FRMD4A: variants seen among roughly 807,000 people sequenced by gnomAD.
The protein encoded by FRMD4A is FERM domain-containing protein 4A.
Under a neutral mutation model 129.1 loss-of-function variants are expected in FRMD4A, and 29 were observed. The ratio of observed to expected loss-of-function variants is 0.22; its 90% CI spans 0.17 to 0.31. The LOEUF is 0.31. Ranked by LOEUF, FRMD4A falls within the 10% of genes least tolerant of loss-of-function variation. The probability of loss-of-function intolerance (pLI) is 1.00; values close to 1 mark genes in which losing one functional copy is unlikely to be tolerated. For synonymous variants in FRMD4A, 634 were observed against 571.6 expected, an observed-to-expected ratio of 1.11 and a Z score of -1.56; for missense variants, 1,272 against 1,375.8, an observed-to-expected ratio of 0.92 and a Z score of 1.19.
At chr10:14,211,063 G>T (rs529047576) in intron 2 of FRMD4A, among the ~76,000 whole-genome samples, 1 of 152,230 alleles carries the variant, frequency 6.6e-6, no homozygotes, top group East Asian at 1.9e-4. Flanking sequence ...TCTTATGGGG[G>T]AAAGAAAATG....
intron 2 of FRMD4A, among the ~76,000 whole-genome samples, chr10:14,060,517 G>A (rs150849547): frequency 1.4e-3 from 215 of 152,254 alleles, no homozygotes; most frequent in Non-Finnish European, 2.5e-3. Context: ...CTCTTGCTTC[G>A]AAGCCTGCCC....
intron 2 of FRMD4A, among the ~76,000 whole-genome samples, chr10:14,071,248 T>G (rs1835304956): frequency 6.6e-6 from 1 of 152,210 alleles, no homozygotes; most frequent in African/African-American, 2.4e-5. Flanking sequence ...ACATGCCACA[T>G]TCAGAAACGA....
At chr10:14,166,902 C>T (rs1323009278) in intron 2 of FRMD4A, among the ~76,000 whole-genome samples, 2 of 152,160 alleles carry the variant, frequency 1.3e-5, no homozygotes, top group South Asian at 2.1e-4. Flanking sequence ...TTCATTTACT[C>T]AGTCAATAAA....
At position 13,675,025 on chromosome 10, in the gene FRMD4A, G is replaced by A. The variant is rs772554413; in HGVS notation, c.1137C>T (p.Ser379=). 6 of 1,613,310 alleles carry A rather than the reference G, an allele frequency of 3.7e-6. No homozygotes were observed. Among genetic ancestry groups the A allele is most frequent in the East Asian group, 2.2e-5 (1 of 44,900 alleles). Residue 379 remains serine (S), a synonymous_variant, in exon 16 of 25, where the codon AGC becomes AGT. Transcript: ENST00000357447. ...GCATGTCCTTCTTGGCCGACTGCGAGCTATCTGATTCCTGAGAACCTGTCG... is the reference window on the plus strand; with the variant it reads ...GCATGTCCTTCTTGGCCGACTGCGAACTATCTGATTCCTGAGAACCTGTCG... ...LLSSGSQESD[S]SQSAKKDMLA...
chr10:14,064,254 T>A (rs7904168), intron 2 of FRMD4A, among the ~76,000 whole-genome samples: 1 of 152,212 alleles, frequency 6.6e-6, no homozygotes, highest in Non-Finnish European at 1.5e-5. Flanking sequence ...ATATTGATGT[T>A]TTCCGTAACT....
intron 4 of FRMD4A, among the ~76,000 whole-genome samples, chr10:13,797,143 TTG>T (rs1345427124): frequency 2.0e-5 from 3 of 152,196 alleles, no homozygotes; most frequent in African/African-American, 7.2e-5. Flanking sequence ...AGTGAAGGGA[TTG>T]AGACCTGCTG....
chr10:14,166,653 A>G (rs10796166), intron 2 of FRMD4A, among the ~76,000 whole-genome samples: 143,295 of 152,242 alleles, frequency 0.94, 67,931 homozygotes, highest in Non-Finnish European at 1. Flanking sequence ...GCAGCTATTC[A>G]AACAGTCAGT....
chr10:13,870,017 T>C (rs146952043), intron 2 of FRMD4A, among the ~76,000 whole-genome samples: 242 of 152,306 alleles, frequency 1.6e-3, no homozygotes, highest in African/African-American at 5.6e-3. Context: ...TTATTAATCA[T>C]TATTATTAGG....
At chr10:14,051,081 A>T (rs1022383237) in intron 2 of FRMD4A, among the ~76,000 whole-genome samples, 2 of 152,194 alleles carry the variant, frequency 1.3e-5, no homozygotes, top group African/African-American at 4.8e-5. Context: ...AGGTGTCAGG[A>T]TTGCAAAGGC....
chr10:14,234,440 A>C (rs1007894356), intron 2 of FRMD4A, among the ~76,000 whole-genome samples: 1 of 152,112 alleles, frequency 6.6e-6, no homozygotes, highest in Non-Finnish European at 1.5e-5. Flanking sequence ...TCTCAGAGGG[A>C]TCCCGGGGTT....
rs969528974 is a variant in FRMD4A, at chr10:13,767,813, G to A, written c.385-5133C>T. Reference sequence around the variant, plus strand: ...GCGGTGAAGCCCCCCGTGCTCTTGCGGCCATTGGAGGGAGGGGTTTCTGCA... The same window carrying A: ...GCGGTGAAGCCCCCCGTGCTCTTGCAGCCATTGGAGGGAGGGGTTTCTGCA... On this transcript the variant is annotated intron_variant, in intron 6 of 24. Transcript: ENST00000357447. 3.3e-5 allele frequency among the ~76,000 whole-genome samples: 5 copies of A among 152,122 alleles called. No individual in the cohort carries two copies. The South Asian group carries it at 1.0e-3, about 32-fold the overall frequency.
intron 2 of FRMD4A, among the ~76,000 whole-genome samples, chr10:13,936,400 T>C (rs1054695023): frequency 6.6e-6 from 1 of 152,198 alleles, no homozygotes; most frequent in Non-Finnish European, 1.5e-5. Context: ...CTCTTTGCTA[T>C]AGGCTGAATG....
chr10:14,220,656 C>T (rs1589187220), intron 2 of FRMD4A, among the ~76,000 whole-genome samples: 1 of 152,130 alleles, frequency 6.6e-6, no homozygotes, highest in African/African-American at 2.4e-5. Context: ...ATTCGCTGAC[C>T]TCAGTGCAGC....
chr10:14,104,719 T>C (rs1351088239), intron 2 of FRMD4A, among the ~76,000 whole-genome samples: 5 of 152,208 alleles, frequency 3.3e-5, no homozygotes, highest in Admixed American at 1.3e-4. Flanking sequence ...GCAAGGGAAA[T>C]TGCCAACCTT....
At chr10:14,164,450 T>A (rs904227112) in intron 2 of FRMD4A, among the ~76,000 whole-genome samples, 2 of 152,192 alleles carry the variant, frequency 1.3e-5, no homozygotes, top group Admixed American at 6.5e-5. Context: ...ACAGTAAGGC[T>A]ATTCAGGTAT....
chr10:14,326,201 C>T (rs1564466958), intron 2 of FRMD4A: 1 of 152,134 alleles, frequency 6.6e-6, no homozygotes, highest in Admixed American at 6.5e-5. Flanking sequence ...TTATTTTACA[C>T]TTCAATATGG....
chr10:13,902,892 C>G (rs1027234987), intron 2 of FRMD4A, among the ~76,000 whole-genome samples: 1 of 151,940 alleles, frequency 6.6e-6, no homozygotes, highest in African/African-American at 2.4e-5. Flanking sequence ...GTGTTACCCC[C>G]ACTCCCATTT....
At chr10:14,102,770 GA>G (rs3033974) in intron 2 of FRMD4A, among the ~76,000 whole-genome samples, 2 of 148,974 alleles carry the variant, frequency 1.3e-5, no homozygotes, top group African/African-American at 2.5e-5. Flanking sequence ...AAGATAGTGA[GA>G]AAAAAAAAAA....
chr10:13,695,950 T>C (rs937867693), intron 14 of FRMD4A, among the ~76,000 whole-genome samples: 2 of 152,224 alleles, frequency 1.3e-5, no homozygotes, highest in Non-Finnish European at 2.9e-5. Flanking sequence ...TCCGACCTCA[T>C]GTTAACACGA....
Sources: allele counts gnomAD v4.1 joint callset (sites outside exome capture counted in the v4.1 genomes callset), GRCh38; gene constraint gnomAD v4.1.1; transcripts MANE v1.5; gene names NCBI Gene and HGNC (gene_info 2026-07-23, HGNC 2026-07-21).